Variants in RAB3C observed in about 807,000 individuals in gnomAD.
RAB3C encodes the protein RAB3C, member RAS oncogene family, also known as ras-related protein Rab-3C.
Under a neutral mutation model 26.4 loss-of-function variants are expected in RAB3C, and 17 were observed. The observed-to-expected ratio is 0.64, with a 90% CI of 0.44 to 0.97. The LOEUF (loss-of-function observed/expected upper bound fraction) is 0.97. RAB3C is among the 50% of genes least tolerant of loss of function. The probability of loss-of-function intolerance (pLI) is 0.00; values close to 1 mark genes in which losing one functional copy is unlikely to be tolerated. For synonymous variants in RAB3C, 91 were observed against 95.9 expected, an observed-to-expected ratio of 0.95 and a Z score of 0.30; for missense variants, 242 against 281.9, an observed-to-expected ratio of 0.86 and a Z score of 1.01.
intron 3 of RAB3C, among the ~76,000 whole-genome samples, chr5:58,801,653 T>C (rs1167984793): frequency 6.6e-6 from 1 of 152,272 alleles, no homozygotes; most frequent in Admixed American, 6.5e-5. Flanking sequence ...TCTTCTATTT[T>C]CTGGCCAGAG....
chr5:58,730,970 A>G (rs906324502), intron 3 of RAB3C, among the ~76,000 whole-genome samples: 1 of 152,250 alleles, frequency 6.6e-6, no homozygotes, highest in East Asian at 1.9e-4. Flanking sequence ...AAGCATGTTC[A>G]GGGGAGCTGC....
rs36053149 is a variant in RAB3C, at chr5:58,760,190, AT to A, written c.371+34080del. On this transcript the variant is annotated intron_variant, in intron 3 of 4. Transcript: ENST00000282878. Reference sequence around the variant, plus strand: ...AATGCATAGGATAAATGTGCAATGGATTTTTTTTTTGTCCATCAGATTTGGG... The same window carrying A: ...AATGCATAGGATAAATGTGCAATGGATTTTTTTTTGTCCATCAGATTTGGG... Among the ~76,000 whole-genome samples the A allele has an allele frequency of 1.9e-4, 28 of 149,610 alleles. No homozygotes were observed. The East Asian group carries it at 2.5e-3, about 14-fold the overall frequency.
At chr5:58,681,213 AT>A (rs1426438468) in intron 2 of RAB3C, among the ~76,000 whole-genome samples, 2 of 152,206 alleles carry the variant, frequency 1.3e-5, no homozygotes, top group African/African-American at 4.8e-5. Flanking sequence ...TGTTTATTTT[AT>A]TTCATTAAAA....
intron 3 of RAB3C, among the ~76,000 whole-genome samples, chr5:58,805,324 A>C (rs1329393130): frequency 6.6e-6 from 1 of 152,200 alleles, no homozygotes; most frequent in East Asian, 1.9e-4. Context: ...GCACTTGAAC[A>C]AGGTGGAACT....
chr5:58,782,497 T>C (rs543269565), intron 3 of RAB3C, among the ~76,000 whole-genome samples: 1 of 152,320 alleles, frequency 6.6e-6, no homozygotes, highest in Non-Finnish European at 1.5e-5. Context: ...ATTATATATA[T>C]AATTACTCAT....
intron 2 of RAB3C, among the ~76,000 whole-genome samples, chr5:58,661,675 C>T (rs1445210988): frequency 3.4e-5 from 5 of 146,628 alleles, no homozygotes; most frequent in Non-Finnish European, 5.9e-5. Flanking sequence ...AGGGACACTG[C>T]AAGATAGGTC....
At chr5:58,607,832 G>T (rs528732261) in intron 1 of RAB3C, among the ~76,000 whole-genome samples, 1 of 152,182 alleles carries the variant, frequency 6.6e-6, no homozygotes, top group South Asian at 2.1e-4. Flanking sequence ...AAGTGAAGGA[G>T]AAATAAAATC....
chr5:58,783,827 G>A (rs979618777), intron 3 of RAB3C, among the ~76,000 whole-genome samples: 4 of 152,146 alleles, frequency 2.6e-5, no homozygotes, highest in African/African-American at 7.2e-5. Context: ...AGCAAACCAG[G>A]AACCTTGAGA....
At chr5:58,740,344 C>T (rs1433507978) in intron 3 of RAB3C, among the ~76,000 whole-genome samples, 4 of 152,198 alleles carry the variant, frequency 2.6e-5, no homozygotes, top group Non-Finnish European at 4.4e-5. Flanking sequence ...TTCAGAGCAG[C>T]CCCACCCAGC....
chr5:58,825,838 ATGAT>A (rs1398984795), intron 4 of RAB3C, among the ~76,000 whole-genome samples: 11 of 152,166 alleles, frequency 7.2e-5, no homozygotes, highest in Non-Finnish European at 1.5e-4. Context: ...TTGATGATTG[ATGAT>A]TGATTGATTG....
At chr5:58,832,199 T>C (rs1001437530) in intron 4 of RAB3C, among the ~76,000 whole-genome samples, 3 of 152,126 alleles carry the variant, frequency 2.0e-5, no homozygotes, top group Non-Finnish European at 4.4e-5. Flanking sequence ...AATAGGTGCA[T>C]GGATTTTACA....
At chr5:58,637,479 A>G (rs1050563252) in intron 2 of RAB3C, among the ~76,000 whole-genome samples, 5 of 152,150 alleles carry the variant, frequency 3.3e-5, no homozygotes, top group African/African-American at 1.2e-4. Flanking sequence ...GGATTTTCCT[A>G]TAAAAAGACT....
chr5:58,647,453 G>A (rs1048123689), intron 2 of RAB3C, among the ~76,000 whole-genome samples: 3 of 148,218 alleles, frequency 2.0e-5, no homozygotes, highest in African/African-American at 7.5e-5. Context: ...ACAGCATGGG[G>A]GAACCACGCC....
At chr5:58,736,108 T>C (rs1282567268) in intron 3 of RAB3C, among the ~76,000 whole-genome samples, 1 of 152,182 alleles carries the variant, frequency 6.6e-6, no homozygotes, top group African/African-American at 2.4e-5. Context: ...TGTTAGCACA[T>C]AGCCCTTTGT....
chr5:58,692,358 G>GGA (rs1748587964), intron 2 of RAB3C, among the ~76,000 whole-genome samples: 1 of 151,682 alleles, frequency 6.6e-6, no homozygotes, highest in Non-Finnish European at 1.5e-5. Context: ...ATAATGTTCA[G>GGA]AAAAAAAAGA....
At chr5:58,817,705 TA>T (rs1420475023) in intron 3 of RAB3C, among the ~76,000 whole-genome samples, 1 of 152,192 alleles carries the variant, frequency 6.6e-6, no homozygotes, top group Non-Finnish European at 1.5e-5. Context: ...GATTTCTTTT[TA>T]ATACCTCTGA....
chr5:58,721,112 ATGT>A (rs1263048087), intron 2 of RAB3C, among the ~76,000 whole-genome samples: 1 of 151,844 alleles, frequency 6.6e-6, no homozygotes, highest in Admixed American at 6.6e-5. Context: ...CAAGCTGTGA[ATGT>A]TTTCTATTTT....
At chr5:58,834,381 T>C (rs1348055041) in intron 4 of RAB3C, among the ~76,000 whole-genome samples, 2 of 152,196 alleles carry the variant, frequency 1.3e-5, no homozygotes, top group African/African-American at 4.8e-5. Flanking sequence ...TCAGTTTTAA[T>C]CCTTTCCCTC....
At chr5:58,730,010 CA>C (rs1424226755) in intron 3 of RAB3C, among the ~76,000 whole-genome samples, 2 of 150,212 alleles carry the variant, frequency 1.3e-5, no homozygotes, top group Non-Finnish European at 3.0e-5. Flanking sequence ...GATTTCCCAG[CA>C]AAAAATACAG....
Sources: gnomAD v4.1 joint callset for allele counts (sites outside exome capture counted in the v4.1 genomes callset) on GRCh38, gnomAD v4.1.1 for gene constraint, MANE v1.5 for transcripts, NCBI Gene and HGNC (gene_info 2026-07-23, HGNC 2026-07-21) for gene names.